The following VAV3 variants were observed in gnomAD, a reference collection of about 807,000 sequenced individuals.
VAV3 encodes the protein guanine nucleotide exchange factor VAV3.
VAV3 carries 94 observed loss-of-function variants against 131.2 expected under a neutral mutation model. That is an observed-to-expected ratio of 0.72 (90% confidence interval 0.61 to 0.85). VAV3 has a LOEUF of 0.85. Ranked by LOEUF, VAV3 falls within the 40% of genes least tolerant of loss-of-function variation. The pLI is 0.00. For missense variants in VAV3, 939 were observed against 1,002.7 expected (o/e 0.94, Z 0.86); for synonymous variants, 349 against 342.0 (o/e 1.02, Z -0.22).
At chr1:107,790,755 T>C (rs1427025566) in intron 2 of VAV3, among the ~76,000 whole-genome samples, 1 of 149,102 alleles carries the variant, frequency 6.7e-6, no homozygotes, top group Non-Finnish European at 1.5e-5. Flanking sequence ...TTGCATGATC[T>C]TGGCTCACTG....
chr1:107,897,306 A>G (rs1671635261), intron 1 of VAV3: 1 of 151,138 alleles, frequency 6.6e-6, no homozygotes, highest in Non-Finnish European at 1.5e-5. Context: ...AGGCATTTAC[A>G]TACTTCATAC....
intron 8 of VAV3, 150 bp from the exon 9 acceptor site, chr1:107,765,325 A>C: frequency 1.5e-6 from 1 of 652,316 alleles, no homozygotes; most frequent in Non-Finnish European, 2.7e-6. Context: ...CCACATACAC[A>C]GTCATAGAAT....
At chr1:107,726,559 A>G (rs1020338429) in intron 15 of VAV3, among the ~76,000 whole-genome samples, 1 of 152,164 alleles carries the variant, frequency 6.6e-6, no homozygotes, top group African/African-American at 2.4e-5. Context: ...AGCCTTCTTC[A>G]CTAAAAGCTA....
chr1:107,676,709 A>T (rs189521973), intron 19 of VAV3, among the ~76,000 whole-genome samples: 46 of 152,312 alleles, frequency 3.0e-4, no homozygotes, highest in Non-Finnish European at 5.4e-4. Context: ...ACAGACTGAT[A>T]ACTTCATTTA....
At chr1:107,581,663 A>G (rs781661853) in intron 25 of VAV3, among the ~76,000 whole-genome samples, 1 of 152,220 alleles carries the variant, frequency 6.6e-6, no homozygotes, top group Non-Finnish European at 1.5e-5. Flanking sequence ...AAGAAAAAGA[A>G]CACAGTGTTT....
intron 20 of VAV3, among the ~76,000 whole-genome samples, chr1:107,635,964 T>C (rs931656341): frequency 6.6e-6 from 1 of 152,230 alleles, no homozygotes; most frequent in African/African-American, 2.4e-5. Context: ...ATAATAATAG[T>C]AATTCATTTT....
At chr1:107,899,831 T>G (rs1304514013) in intron 1 of VAV3, among the ~76,000 whole-genome samples, 1 of 152,222 alleles carries the variant, frequency 6.6e-6, no homozygotes, top group East Asian at 1.9e-4. Context: ...GAAGTCTTAC[T>G]TGGCTGCCTC....
chr1:107,728,594 C>CGTATACGTATAT (rs1553196104), intron 15 of VAV3, among the ~76,000 whole-genome samples: 7 of 69,262 alleles, frequency 1.0e-4, no homozygotes, highest in African/African-American at 1.8e-4. Context: ...CATATGTATA[C>CGTATACGTATAT]GTATACGTAT....
chr1:107,735,385 C>CA (rs1224247144), intron 15 of VAV3, among the ~76,000 whole-genome samples: 2 of 152,016 alleles, frequency 1.3e-5, no homozygotes, highest in African/African-American at 4.8e-5. Flanking sequence ...GATAGAGACA[C>CA]AAAAAACCCT....
intron 6 of VAV3, among the ~76,000 whole-genome samples, chr1:107,770,158 G>GCT (rs1368528671): frequency 9.9e-5 from 15 of 151,948 alleles, no homozygotes; most frequent in African/African-American, 3.6e-4. Flanking sequence ...AATCAGAGGG[G>GCT]CTCTCTCGGG....
intron 1 of VAV3, among the ~76,000 whole-genome samples, chr1:107,904,778 T>C (rs1421940273): frequency 6.6e-6 from 1 of 152,154 alleles, no homozygotes; most frequent in Non-Finnish European, 1.5e-5. Flanking sequence ...GACTTTCTCT[T>C]TTGGGGTAAG....
At chr1:107,838,924 AC>A (rs1237752851) in intron 2 of VAV3, among the ~76,000 whole-genome samples, 1 of 152,142 alleles carries the variant, frequency 6.6e-6, no homozygotes, top group Non-Finnish European at 1.5e-5. Flanking sequence ...AAAGATGGGA[AC>A]AATAGGCACT....
chr1:107,882,521 G>T (rs1670831818), intron 1 of VAV3, among the ~76,000 whole-genome samples: 1 of 152,008 alleles, frequency 6.6e-6, no homozygotes, highest in Non-Finnish European at 1.5e-5. Context: ...CTCTCCAAAG[G>T]TCTCAGATCA....
intron 1 of VAV3, among the ~76,000 whole-genome samples, chr1:107,901,489 T>C (rs1408641574): frequency 6.6e-6 from 1 of 152,182 alleles, no homozygotes; most frequent in Non-Finnish European, 1.5e-5. Flanking sequence ...GATGCAGTGG[T>C]TAACAACTAA....
At chr1:107,902,842 C>CTA (rs1159239763) in intron 1 of VAV3, among the ~76,000 whole-genome samples, 2 of 152,160 alleles carry the variant, frequency 1.3e-5, no homozygotes, top group African/African-American at 4.8e-5. Context: ...ACTCATTTAT[C>CTA]TATATCCATA....
chr1:107,879,848 A>G (rs1018959051), intron 1 of VAV3, among the ~76,000 whole-genome samples: 2 of 152,240 alleles, frequency 1.3e-5, no homozygotes, highest in African/African-American at 2.4e-5. Flanking sequence ...GTGTATCCAT[A>G]TAAGAGTTGC....
chr1:107,683,606 T>G (rs746662635), intron 18 of VAV3, 73 bp from the exon 19 acceptor site: 8 of 1,445,272 alleles, frequency 5.5e-6, no homozygotes, highest in Admixed American at 1.7e-5. Flanking sequence ...GTATTACTAC[T>G]GGCACTTTGG....
chr1:107,925,058 C>T (rs1340059305), intron 1 of VAV3, among the ~76,000 whole-genome samples: 1 of 152,042 alleles, frequency 6.6e-6, no homozygotes, highest in Non-Finnish European at 1.5e-5. Flanking sequence ...CAAAATATTG[C>T]TGCATGGGAC....
intron 19 of VAV3, among the ~76,000 whole-genome samples, chr1:107,682,709 G>A (rs543817862): frequency 7.0e-6 from 1 of 141,928 alleles, no homozygotes; most frequent in South Asian, 2.2e-4. Flanking sequence ...ACTTATGATA[G>A]GAAAACAAAA....
Sources: allele counts gnomAD v4.1 joint callset (sites outside exome capture counted in the v4.1 genomes callset), GRCh38; gene constraint gnomAD v4.1.1; transcripts MANE v1.5; gene names NCBI Gene and HGNC (gene_info 2026-07-23, HGNC 2026-07-21).